Variants in UVRAG observed in about 807,000 individuals in gnomAD.
UVRAG encodes the protein UV radiation resistance associated.
UVRAG carries 19 observed loss-of-function variants against 78.0 expected under a neutral mutation model. The observed-to-expected ratio is 0.24, with a 90% CI of 0.17 to 0.36. The LOEUF is 0.36. Among genes scored for constraint, UVRAG ranks in the 10% least tolerant of loss-of-function variants. The pLI is 1.00. For synonymous variants in UVRAG, 323 were observed against 324.6 expected, an observed-to-expected ratio of 1.00 and a Z score of 0.05; for missense variants, 740 against 853.8, an observed-to-expected ratio of 0.87 and a Z score of 1.66.
chr11:75,897,391 G>C (rs2134968887), intron 5 of UVRAG, among the ~76,000 whole-genome samples: 1 of 152,254 alleles, frequency 6.6e-6, no homozygotes, highest in Admixed American at 6.5e-5. Flanking sequence ...GGGAATATTA[G>C]TTATCTAGCC....
intron 11 of UVRAG, among the ~76,000 whole-genome samples, chr11:76,014,584 A>C (rs1213695976): frequency 1.3e-5 from 2 of 152,232 alleles, no homozygotes; most frequent in Non-Finnish European, 2.9e-5. Context: ...GAATTCAGTC[A>C]CCTGTGAAGA....
chr11:76,015,554 T>C (rs1038083601), intron 11 of UVRAG, among the ~76,000 whole-genome samples: 4 of 152,064 alleles, frequency 2.6e-5, no homozygotes, highest in African/African-American at 9.7e-5. Context: ...TGAATGAATG[T>C]CATATATAAA....
At chr11:76,121,436 T>C (rs17134568) in intron 14 of UVRAG, among the ~76,000 whole-genome samples, 19,126 of 152,254 alleles carry the variant, frequency 0.13, 3,010 homozygotes, top group African/African-American at 0.37. Flanking sequence ...TTAAACATCC[T>C]AGTTTTCTTT....
chr11:75,856,076 G>A (rs1265002478), intron 2 of UVRAG, among the ~76,000 whole-genome samples: 1 of 151,998 alleles, frequency 6.6e-6, no homozygotes, highest in African/African-American at 2.4e-5. Context: ...TGCAAGCTCC[G>A]CCTCCTGGGT....
rs555148839 is a variant in UVRAG, at chr11:75,877,160, TG to T, written c.271-2713del. Among the ~76,000 whole-genome samples, 83 of 151,944 alleles carry T rather than the reference TG, an allele frequency of 5.5e-4. 1 individual carries two copies. The highest frequency in any genetic ancestry group is 1.4e-3 in the African/African-American group (56 of 41,318). Reference sequence around the variant, plus strand: ...GCACATGTTTCAGAGAGCACAGGGTTGGGGGGTAAGGTCACAGATCAACAGG... The same window carrying T: ...GCACATGTTTCAGAGAGCACAGGGTTGGGGGTAAGGTCACAGATCAACAGG... On this transcript the variant is annotated intron_variant, in intron 3 of 14. Transcript: ENST00000356136.
intron 12 of UVRAG, among the ~76,000 whole-genome samples, chr11:76,063,982 G>A (rs1011154131): frequency 1.3e-5 from 2 of 152,200 alleles, no homozygotes; most frequent in African/African-American, 4.8e-5. Flanking sequence ...GAATTTGAAA[G>A]CAATATAAAA....
chr11:75,977,959 T>C (rs1197055547), intron 7 of UVRAG, among the ~76,000 whole-genome samples: 1 of 152,236 alleles, frequency 6.6e-6, no homozygotes, highest in Non-Finnish European at 1.5e-5. Context: ...AGTTTCTTCC[T>C]AGCATCGATG....
chr11:76,014,491 G>A (rs1950111619), intron 11 of UVRAG, among the ~76,000 whole-genome samples: 1 of 152,136 alleles, frequency 6.6e-6, no homozygotes, highest in South Asian at 2.1e-4. Flanking sequence ...TCTTCAAAAG[G>A]TGGTTATTGA....
At chr11:75,906,909 G>A (rs892401433) in intron 5 of UVRAG, among the ~76,000 whole-genome samples, 2 of 152,140 alleles carry the variant, frequency 1.3e-5, no homozygotes, top group African/African-American at 4.8e-5. Context: ...GTGCTATCCT[G>A]TTTTGACTAT....
At chr11:76,129,006 G>A (rs1370355130) in intron 14 of UVRAG, among the ~76,000 whole-genome samples, 2 of 152,048 alleles carry the variant, frequency 1.3e-5, no homozygotes, top group Admixed American at 1.3e-4. Flanking sequence ...GACTATTACT[G>A]CAAACCAGGC....
intron 12 of UVRAG, among the ~76,000 whole-genome samples, chr11:76,017,555 A>G (rs1950172036): frequency 6.6e-6 from 1 of 152,180 alleles, no homozygotes; most frequent in African/African-American, 2.4e-5. Flanking sequence ...AGAAGCACTA[A>G]CAAAACAGAA....
Position 75,883,821 on chromosome 11 carries a change from A to G in UVRAG, c.432+3781A>G, listed in dbSNP as rs140262598. Among the ~76,000 whole-genome samples, 963 of 152,350 alleles carry G rather than the reference A, an allele frequency of 6.3e-3. 5 individuals are homozygous for G. The highest frequency in any genetic ancestry group is 0.017 in the Middle Eastern group (5 of 294). Reference sequence around the variant, plus strand: ...TATTGAGGTACAATTTACATGTCATAAAATCCACCCTTTTTAAAGTGTGCA... The same window carrying G: ...TATTGAGGTACAATTTACATGTCATGAAATCCACCCTTTTTAAAGTGTGCA... On this transcript the variant is annotated intron_variant, in intron 4 of 14. Coordinates refer to ENST00000356136, the MANE Select transcript of UVRAG (RefSeq NM_003369.4).
intron 6 of UVRAG, among the ~76,000 whole-genome samples, chr11:75,926,963 T>C (rs1312400560): frequency 1.3e-5 from 2 of 152,156 alleles, no homozygotes; most frequent in African/African-American, 4.8e-5. Flanking sequence ...TCTCATTTAA[T>C]CCTTAAAGCA....
At chr11:75,995,501 G>GA (rs71471398) in intron 8 of UVRAG, among the ~76,000 whole-genome samples, 15,224 of 119,872 alleles carry the variant, frequency 0.13, 2,005 homozygotes, top group African/African-American at 0.34. Flanking sequence ...TTGTCATTTT[G>GA]AAAAAAAAAA....
chr11:75,846,152 G>A (rs1332739068), intron 1 of UVRAG, among the ~76,000 whole-genome samples: 2 of 152,176 alleles, frequency 1.3e-5, no homozygotes, highest in East Asian at 1.9e-4. Flanking sequence ...ATGCTAGATG[G>A]TGCCTCTAGG....
chr11:75,893,428 T>C (rs998150522), intron 5 of UVRAG, among the ~76,000 whole-genome samples: 2 of 151,120 alleles, frequency 1.3e-5, no homozygotes, highest in Non-Finnish European at 2.9e-5. Context: ...AAAAGACAGC[T>C]TAGAGAAACT....
At chr11:75,999,006 G>T (rs1423387912) in intron 8 of UVRAG, among the ~76,000 whole-genome samples, 1 of 152,148 alleles carries the variant, frequency 6.6e-6, no homozygotes, top group African/African-American at 2.4e-5. Flanking sequence ...GTGTTTTCAG[G>T]TGGATCACCT....
intron 7 of UVRAG, among the ~76,000 whole-genome samples, chr11:75,969,299 G>T (rs932488256): frequency 3.3e-5 from 5 of 152,140 alleles, no homozygotes; most frequent in East Asian, 3.8e-4. Context: ...CTTCATCCAT[G>T]GTGTAGCATA....
At chr11:76,088,516 A>G (rs971662614) in intron 13 of UVRAG, among the ~76,000 whole-genome samples, 1 of 132,304 alleles carries the variant, frequency 7.6e-6, no homozygotes, top group Non-Finnish European at 1.6e-5. Context: ...GCCTTGCAAC[A>G]AGACTCTTTT....
Sources: gnomAD v4.1 joint callset for allele counts (sites outside exome capture counted in the v4.1 genomes callset) on GRCh38, gnomAD v4.1.1 for gene constraint, MANE v1.5 for transcripts, NCBI Gene and HGNC (gene_info 2026-07-23, HGNC 2026-07-21) for gene names.